The following FARP1 variants were observed in gnomAD, a reference collection of about 807,000 sequenced individuals.
The protein encoded by FARP1 is FERM, ARHGEF and pleckstrin domain-containing protein 1.
A neutral mutation model predicts 128.8 loss-of-function variants in FARP1; 52 were observed. The observed-to-expected ratio is 0.40, with a 90% CI of 0.32 to 0.51. The LOEUF is 0.51. Ranked by LOEUF, FARP1 falls within the 20% of genes least tolerant of loss-of-function variation. The pLI is 0.45. For synonymous variants in FARP1, 580 were observed against 551.8 expected (o/e 1.05, Z -0.72); for missense variants, 1,333 against 1,367.9 (o/e 0.97, Z 0.40).
intron 2 of FARP1, among the ~76,000 whole-genome samples, chr13:98,276,298 C>G (rs148325127): frequency 9.2e-5 from 14 of 152,262 alleles, no homozygotes; most frequent in South Asian, 2.1e-4. Flanking sequence ...CCAGAGCCTG[C>G]TAATTTTGCC....
At position 98,438,815 on chromosome 13, in the gene FARP1, T is replaced by C; in HGVS notation, c.2286T>C (p.Arg762=). Residue 762 remains arginine, a synonymous_variant, in exon 20 of 27, where the codon CGT becomes CGC. Transcript: ENST00000319562. ...TGTCTCCCCTGCAGGAGTTCATCCGTCTGGGCAGCCTCAGCAAGCTCTCGG... is the reference window on the plus strand; with the variant it reads ...TGTCTCCCCTGCAGGAGTTCATCCGCCTGGGCAGCCTCAGCAAGCTCTCGG... ...NLVVPGREFI[R]LGSLSKLSGK... is the part of the protein sequence containing the mutation. The C allele has an allele frequency of 1.9e-6, 3 of 1,612,732 alleles. No homozygotes were observed. Among genetic ancestry groups the C allele is most frequent in the Non-Finnish European group, 1.7e-6 (2 of 1,179,918 alleles).
chr13:98,218,989 AC>A (rs1881262726), intron 2 of FARP1, among the ~76,000 whole-genome samples: 1 of 152,218 alleles, frequency 6.6e-6, no homozygotes, highest in Non-Finnish European at 1.5e-5. Flanking sequence ...TAGGAGTGTT[AC>A]AAATTCAGTC....
intron 11 of FARP1, among the ~76,000 whole-genome samples, chr13:98,391,205 A>G (rs543311000): frequency 5.3e-4 from 80 of 152,314 alleles, no homozygotes; most frequent in African/African-American, 1.9e-3. Flanking sequence ...GAGTCCTTCA[A>G]TATTTTGGGA....
chr13:98,157,839 AT>A (rs1876599397), intron 1 of FARP1, among the ~76,000 whole-genome samples: 1 of 152,242 alleles, frequency 6.6e-6, no homozygotes, highest in African/African-American at 2.4e-5. Flanking sequence ...CTCAATAAAT[AT>A]TTAAGATGAA....
intron 6 of FARP1, chr13:98,384,091 T>C (rs1326739999): frequency 6.6e-6 from 1 of 151,042 alleles, no homozygotes; most frequent in Non-Finnish European, 1.5e-5. Flanking sequence ...GTCACCCACA[T>C]GTGTAGAATT....
At chr13:98,286,746 G>T (rs570675314) in intron 2 of FARP1, among the ~76,000 whole-genome samples, 1 of 152,294 alleles carries the variant, frequency 6.6e-6, no homozygotes, top group South Asian at 2.1e-4. Context: ...CATTGATCCA[G>T]TCAACATTTA....
chr13:98,398,476 T>C (rs1172877176), intron 13 of FARP1: 1 of 152,244 alleles, frequency 6.6e-6, no homozygotes, highest in Non-Finnish European at 1.5e-5. Context: ...TAACCTCGTC[T>C]CTAGGCTTCA....
At chr13:98,178,100 T>C (rs1377617518) in intron 1 of FARP1, among the ~76,000 whole-genome samples, 1 of 152,102 alleles carries the variant, frequency 6.6e-6, no homozygotes, top group Non-Finnish European at 1.5e-5. Context: ...TAAAAAAATA[T>C]TATCAAGCAC....
intron 18 of FARP1, chr13:98,435,049 C>A (rs1226283285): frequency 1.3e-5 from 2 of 152,356 alleles, no homozygotes; most frequent in Non-Finnish European, 2.9e-5. Context: ...TCACAACCAT[C>A]TTGGTAAACA....
chr13:98,180,795 C>T (rs536166497), intron 1 of FARP1, among the ~76,000 whole-genome samples: 3 of 152,272 alleles, frequency 2.0e-5, no homozygotes, highest in Non-Finnish European at 2.9e-5. Context: ...TGAGTGCAGT[C>T]TGCTGTGTTG....
rs767634227 is a variant in FARP1 at position 98,176,202 on chromosome 13, A to T, written c.-24+32710A>T. 1.2e-6 allele frequency: 2 copies of T among 1,609,998 alleles called. No homozygotes were observed. Among genetic ancestry groups the T allele is most frequent in the South Asian group, 2.2e-5 (2 of 90,800 alleles). On this transcript the variant is annotated intron_variant, in intron 1 of 26. Coordinates refer to ENST00000319562, the MANE Select transcript of FARP1 (RefSeq NM_005766.4). The surrounding 1 kb of genome is among the most constrained non-coding windows in gnomAD (Gnocchi z 6.2). The stretch of plus-strand genomic sequence containing the variant: ...CTAAAAGAACAAAAAAATTTATTTA[A>T]ATGTGAGAATTATGGGAAACCTAAG...
intron 16 of FARP1, among the ~76,000 whole-genome samples, chr13:98,418,220 T>C (rs767879098): frequency 1.3e-5 from 2 of 152,156 alleles, no homozygotes; most frequent in African/African-American, 2.4e-5. Flanking sequence ...TGGCCTTGTT[T>C]CCTTTTTAAG....
chr13:98,244,862 G>A (rs759803796), intron 2 of FARP1: 5 of 1,444,318 alleles, frequency 3.5e-6, no homozygotes, highest in East Asian at 2.5e-5. Context: ...TCTCAGATAC[G>A]TGAAGCTGCA....
rs894917243 is a variant in FARP1 at position 98,171,521 on chromosome 13, C to CT, written c.-24+28030dup. 1.2e-3 allele frequency among the ~76,000 whole-genome samples: 189 copies of CT among 152,274 alleles called. 2 individuals are homozygous for CT. Among genetic ancestry groups the CT allele is most frequent in the African/African-American group, 4.4e-3 (181 of 41,550 alleles). On this transcript the variant is annotated intron_variant, in intron 1 of 26. Coordinates refer to ENST00000319562, the MANE Select transcript of FARP1 (RefSeq NM_005766.4). ...GTTTTATCTGCTCTTGTTCCTGCTGCTATAGTCCTCTTAAAGTATATTTAC... is the reference window on the plus strand; with the variant it reads ...GTTTTATCTGCTCTTGTTCCTGCTGCTTATAGTCCTCTTAAAGTATATTTAC...
At chr13:98,251,493 G>A (rs1428376018) in intron 2 of FARP1, among the ~76,000 whole-genome samples, 2 of 152,082 alleles carry the variant, frequency 1.3e-5, no homozygotes, top group African/African-American at 4.8e-5. Flanking sequence ...GGCCAGCCTG[G>A]CCAACATGGT....
rs754294962 is a variant in FARP1 at position 98,176,170 on chromosome 13, T to G, written c.-24+32678T>G. On this transcript the variant is annotated intron_variant, in intron 1 of 26. Coordinates refer to ENST00000319562, the MANE Select transcript of FARP1 (RefSeq NM_005766.4). The surrounding 1 kb of genome is among the most constrained non-coding windows in gnomAD (Gnocchi z 6.2). ...TACAGACTTGAGTCTTTCTTATCTCTTTTTTCCTAAAAGAACAAAAAAATT... is the reference window on the plus strand; with the variant it reads ...TACAGACTTGAGTCTTTCTTATCTCGTTTTTCCTAAAAGAACAAAAAAATT... 76 of 1,608,234 alleles carry G rather than the reference T, an allele frequency of 4.7e-5. No homozygotes were observed. Among genetic ancestry groups the G allele is most frequent in the Non-Finnish European group, 6.4e-5 (75 of 1,175,168 alleles).
At chr13:98,426,198 T>C (rs1369009952) in intron 17 of FARP1, among the ~76,000 whole-genome samples, 1 of 152,202 alleles carries the variant, frequency 6.6e-6, no homozygotes, top group Non-Finnish European at 1.5e-5. Flanking sequence ...ATTAAAATGA[T>C]GTATCTCAGC....
chr13:98,374,516 G>C (rs1298940196), intron 5 of FARP1, among the ~76,000 whole-genome samples: 1 of 152,192 alleles, frequency 6.6e-6, no homozygotes, highest in African/African-American at 2.4e-5. Flanking sequence ...GCCTATGTAA[G>C]TTAGTCCCTC....
chr13:98,400,498 A>T (rs566607984), intron 13 of FARP1: 74 of 152,382 alleles, frequency 4.9e-4, no homozygotes, highest in African/African-American at 1.7e-3. Context: ...ATTTCAGCAC[A>T]GAATGACTTT....
Sources: allele counts gnomAD v4.1 joint callset (sites outside exome capture counted in the v4.1 genomes callset), GRCh38; gene constraint gnomAD v4.1.1; non-coding constraint Gnocchi (gnomAD v3.1); transcripts MANE v1.5; gene names NCBI Gene and HGNC (gene_info 2026-07-23, HGNC 2026-07-21).